The following NCAPG2 variants were observed in gnomAD, a reference collection of about 807,000 sequenced individuals.
NCAPG2 encodes non-SMC condensin II complex subunit G2, also known as condensin-2 complex subunit G2.
In NCAPG2, 53 loss-of-function variants were observed where a neutral mutation model predicts 141.1. The observed-to-expected ratio is 0.38, with a 90% CI of 0.30 to 0.47. The LOEUF (loss-of-function observed/expected upper bound fraction) is 0.47. Among genes scored for constraint, NCAPG2 ranks in the 20% least tolerant of loss-of-function variants. The pLI is 0.99. For missense variants in NCAPG2, 1,087 were observed against 1,389.0 expected (o/e 0.78, Z 3.46); for synonymous variants, 499 against 490.7 (o/e 1.02, Z -0.22).
At chr7:158,667,493 GCCTTACCCACTACTGGGTCCCTCCGCCCT>G (rs1833160176) in intron 13 of NCAPG2, among the ~76,000 whole-genome samples, 19 of 37,522 alleles carry the variant, frequency 5.1e-4, no homozygotes, top group Non-Finnish European at 7.9e-4. Flanking sequence ...CCCTCCGCCC[GCCTTACCCACTACTGGGTCCCTCCGCCCT>G]CCTTACCTAC....
At chr7:158,667,071 T>C in intron 13 of NCAPG2, 1 of 943,692 alleles carries the variant, frequency 1.1e-6, no homozygotes, top group Non-Finnish European at 1.3e-6. Flanking sequence ...AGACTGCCTC[T>C]TATACTCATG....
chr7:158,635,428 A>G (rs912868435), intron 27 of NCAPG2, among the ~76,000 whole-genome samples: 1 of 152,216 alleles, frequency 6.6e-6, no homozygotes, highest in Non-Finnish European at 1.5e-5. Context: ...AAGTAGAGGC[A>G]CAATTAATAT....
chr7:158,660,401 C>CTTTTTTTTTTTTTTTT (rs945928092), intron 16 of NCAPG2, among the ~76,000 whole-genome samples: 22 of 72,814 alleles, frequency 3.0e-4, no homozygotes, highest in East Asian at 2.6e-3. Context: ...TTTCAGCTTT[C>CTTTTTTTTTTTTTTTT]TTTTTTTTTT....
chr7:158,703,375 T>C (rs1167477529), intron 1 of NCAPG2, among the ~76,000 whole-genome samples: 8 of 152,234 alleles, frequency 5.3e-5, no homozygotes, highest in African/African-American at 1.7e-4. Context: ...CTCTCCACTT[T>C]TTCATAGTTC....
At chr7:158,655,516 C>G (rs921092319) in intron 19 of NCAPG2, 61 bp from the exon 20 acceptor site, 1 of 1,361,310 alleles carries the variant, frequency 7.3e-7, no homozygotes, top group Admixed American at 1.7e-5. Context: ...ACACCCCGTA[C>G]AGCAAGAACA....
intron 12 of NCAPG2, 68 bp from the exon 13 acceptor site, chr7:158,671,734 C>T (rs1260649610): frequency 1.2e-5 from 18 of 1,539,416 alleles, no homozygotes; most frequent in Non-Finnish European, 1.5e-5. Flanking sequence ...GGTAGGAAAA[C>T]TTCATTAAAG....
chr7:158,692,189 C>T (rs561538252), intron 4 of NCAPG2, among the ~76,000 whole-genome samples: 11 of 152,218 alleles, frequency 7.2e-5, no homozygotes, highest in African/African-American at 2.4e-4. Flanking sequence ...GGGCCATGGT[C>T]CCAGCTACTA....
intron 22 of NCAPG2, among the ~76,000 whole-genome samples, chr7:158,653,387 A>AAAAATAAT (rs1554553516): frequency 0.017 from 2,519 of 146,094 alleles, 79 homozygotes; most frequent in African/African-American, 0.059. Flanking sequence ...ATAAAAAAAA[A>AAAAATAAT]AATAATAATA....
chr7:158,666,957 G>A (rs1329135592), intron 13 of NCAPG2, among the ~76,000 whole-genome samples: 3 of 152,072 alleles, frequency 2.0e-5, no homozygotes, highest in African/African-American at 2.4e-5. Context: ...ACCCATTACT[G>A]AGGTGTGCAC....
intron 9 of NCAPG2, among the ~76,000 whole-genome samples, chr7:158,681,559 G>A (rs1222516467): frequency 6.6e-6 from 1 of 152,134 alleles, no homozygotes; most frequent in Non-Finnish European, 1.5e-5. Flanking sequence ...CACTTTAAGT[G>A]AGCTTGTATC....
At chr7:158,646,362 A>G in intron 25 of NCAPG2, 98 bp downstream of exon 25, 1 of 777,998 alleles carries the variant, frequency 1.3e-6, no homozygotes, top group Non-Finnish European at 2.0e-6. Flanking sequence ...AAAAGAATGT[A>G]GCTTTGAAAA....
chr7:158,675,725 C>T lies in NCAPG2; in HGVS notation c.1147-69G>A, dbSNP rs552292778. On this transcript the variant is annotated intron_variant, in intron 11 of 27. Transcript: ENST00000356309. ...TCCCGAAATCCACATCTGCTTCACACGTGAGCACTTCAGGGATTCGTAACT... is the reference window on the plus strand; with the variant it reads ...TCCCGAAATCCACATCTGCTTCACATGTGAGCACTTCAGGGATTCGTAACT... 5.9e-5 allele frequency: 87 copies of T among 1,486,472 alleles called. No homozygotes were observed. In the African/African-American group the frequency reaches 7.9e-4, roughly 14 times the overall value. 92.1% of individuals were successfully genotyped at this position (1,486,472 alleles called of 1,614,324 possible). A position where few individuals can be genotyped will look rare whatever the true frequency, so the allele number is the denominator to read the frequency against.
intron 2 of NCAPG2, among the ~76,000 whole-genome samples, chr7:158,697,184 C>T (rs1835499300): frequency 6.6e-6 from 1 of 152,214 alleles, no homozygotes; most frequent in African/African-American, 2.4e-5. Context: ...GTTATTGCCC[C>T]TGAAGACCTT....
chr7:158,641,451 T>C (rs1472249051), intron 27 of NCAPG2: 5 of 610,548 alleles, frequency 8.2e-6, no homozygotes, highest in Non-Finnish European at 1.4e-5. Flanking sequence ...TCTGGTGGTG[T>C]GTGCCTGCAG....
intron 8 of NCAPG2, among the ~76,000 whole-genome samples, chr7:158,684,775 A>T (rs1253627777): frequency 6.6e-6 from 1 of 152,182 alleles, no homozygotes; most frequent in Non-Finnish European, 1.5e-5. Context: ...CTGGTCTCAA[A>T]CTCCTGACCT....
At chr7:158,643,427 G>C (rs1184240437) in intron 27 of NCAPG2, among the ~76,000 whole-genome samples, 2 of 152,178 alleles carry the variant, frequency 1.3e-5, no homozygotes, top group African/African-American at 4.8e-5. Context: ...ATGTTGGCCA[G>C]GCTGGTCTCA....
At position 158,648,847 on chromosome 7, in the gene NCAPG2, G is replaced by GGACTACAACCACGC. The variant is rs1563505014; in HGVS notation, c.3075+1984_3075+1985insGCGTGGTTGTAGTC. ...CCACGCCAAATGGACTACAACCACG[G>GGACTACAACCACGC]CAAATGGACTACAACCACGGCAAAT... On this transcript the variant is annotated intron_variant, in intron 24 of 27. Transcript: ENST00000356309. Among the ~76,000 whole-genome samples, 67 of 36,264 alleles carry GGACTACAACCACGC rather than the reference G, an allele frequency of 1.8e-3. 6 individuals are homozygous for GGACTACAACCACGC. Among genetic ancestry groups the GGACTACAACCACGC allele is most frequent in the South Asian group, 9.3e-3 (10 of 1,076 alleles). 23.8% of individuals were successfully genotyped at this position (36,264 alleles called of 152,430 possible). A position where few individuals can be genotyped will look rare whatever the true frequency, so the allele number is the denominator to read the frequency against.
At position 158,680,573 on chromosome 7, in the gene NCAPG2, G is replaced by GA. The variant is rs1161712395; in HGVS notation, c.1020+147dup. 12 of 481,596 alleles carry GA rather than the reference G, an allele frequency of 2.5e-5. No individual in the cohort carries two copies. The East Asian group carries it at 2.8e-4, about 11-fold the overall frequency. 29.8% of individuals were successfully genotyped at this position (481,596 alleles called of 1,614,324 possible). A position where few individuals can be genotyped will look rare whatever the true frequency, so the allele number is the denominator to read the frequency against. ...AAACCAAGAAATGCTTTTAATAAAA[G>GA]AAAAAAACATTTGTTCAAAAATTTC... On this transcript the variant is annotated intron_variant, in intron 10 of 27. Transcript: ENST00000356309.
chr7:158,701,944 G>A lies in NCAPG2; in HGVS notation c.-39-6C>T. ...ATGGCATTTATTTTGTAACCCTAAT[G>A]GAAAACACAATCATACTGAAACACT... On this transcript the variant is annotated splice_polypyrimidine_tract_variant and splice_region_variant and intron_variant, in intron 1 of 27. Coordinates refer to ENST00000356309, the MANE Select transcript of NCAPG2 (RefSeq NM_017760.7). 1.4e-6 allele frequency: 2 copies of A among 1,474,140 alleles called. No homozygotes were observed. The highest frequency in any genetic ancestry group is 1.9e-6 in the Non-Finnish European group (2 of 1,072,858). The allele number at this position is 1,474,140 out of a possible 1,614,324, so 91.3% of individuals were successfully genotyped here.
Sources: allele counts gnomAD v4.1 joint callset (sites outside exome capture counted in the v4.1 genomes callset), GRCh38; gene constraint gnomAD v4.1.1; transcripts MANE v1.5; gene names NCBI Gene and HGNC (gene_info 2026-07-23, HGNC 2026-07-21).